The following GIPC2 variants were observed in gnomAD, a reference collection of about 807,000 sequenced individuals.
GIPC2 encodes GIPC PDZ domain containing family member 2.
A neutral mutation model predicts 30.6 loss-of-function variants in GIPC2; 30 were observed. That is an observed-to-expected ratio of 0.98 (90% CI 0.73 to 1.33). The LOEUF is 1.33. Ranked by LOEUF, GIPC2 falls within the 40% of genes most tolerant of loss-of-function variation. The pLI, the probability that GIPC2 is intolerant of heterozygous loss-of-function variation, is 0.00. For synonymous variants in GIPC2, 167 were observed against 150.0 expected (o/e 1.11, Z -0.83); for missense variants, 414 against 390.3 (o/e 1.06, Z -0.51).
intron 5 of GIPC2, among the ~76,000 whole-genome samples, chr1:78,127,813 C>G (rs760977736): frequency 9.2e-5 from 14 of 152,136 alleles, no homozygotes; most frequent in South Asian, 2.1e-4. Flanking sequence ...CCTCAGCCTC[C>G]CACGTAGCTA....
chr1:78,088,470 A>G (rs770207831), intron 2 of GIPC2, among the ~76,000 whole-genome samples: 3 of 152,216 alleles, frequency 2.0e-5, no homozygotes, highest in Non-Finnish European at 4.4e-5. Flanking sequence ...GCTGGAGGCT[A>G]TTATCCTCAG....
chr1:78,112,996 C>G (rs967137526), intron 3 of GIPC2, among the ~76,000 whole-genome samples: 15 of 152,152 alleles, frequency 9.9e-5, no homozygotes, highest in Non-Finnish European at 2.1e-4. Flanking sequence ...AACCGGCACT[C>G]GTACTCCCGA....
intron 3 of GIPC2, among the ~76,000 whole-genome samples, chr1:78,113,022 T>C (rs2100415421): frequency 6.6e-6 from 1 of 152,208 alleles, no homozygotes; most frequent in South Asian, 2.1e-4. Context: ...AAACTAAAAA[T>C]CAATGTTTAG....
chr1:78,094,875 C>A, intron 2 of GIPC2, 77 bp from the exon 3 acceptor site: 1 of 1,031,186 alleles, frequency 9.7e-7, no homozygotes. Flanking sequence ...ACCTGCTTAG[C>A]TTCCAAGATC....
chr1:78,122,036 A>G (rs532291675), intron 4 of GIPC2, among the ~76,000 whole-genome samples: 2 of 152,306 alleles, frequency 1.3e-5, no homozygotes, highest in South Asian at 4.2e-4. Flanking sequence ...CTAAGGGTTA[A>G]ATCATTCGTC....
In GIPC2 at chr1:78,046,220, G is replaced by A. The variant is rs765002178; in HGVS notation, c.126G>A (p.Leu42=). ...CGTCCCGGGCTCCCGCACGCAGGCT[G>A]GTCTTCCACGCGCAGCTGGCGCACG... ...LSASRAPARR[L]VFHAQLAHGS... The change falls in exon 1 of 6, where the codon CTG becomes CTA. Residue 42 remains leucine (L), a synonymous_variant. Transcript: ENST00000370759. 3 of 1,602,362 alleles carry A rather than the reference G, an allele frequency of 1.9e-6. No homozygotes were observed. The highest frequency in any genetic ancestry group is 2.2e-5 in the South Asian group (2 of 89,582).
intron 4 of GIPC2, among the ~76,000 whole-genome samples, chr1:78,122,127 A>G (rs927632408): frequency 3.3e-5 from 5 of 152,236 alleles, no homozygotes; most frequent in Non-Finnish European, 7.3e-5. Flanking sequence ...GAGGTAGGAA[A>G]GATTCATTCA....
chr1:78,065,881 T>G (rs1330825582), intron 1 of GIPC2, among the ~76,000 whole-genome samples: 1 of 152,086 alleles, frequency 6.6e-6, no homozygotes, highest in East Asian at 1.9e-4. Flanking sequence ...TTACACCATA[T>G]ACAAAAATTA....
intron 3 of GIPC2, among the ~76,000 whole-genome samples, chr1:78,107,342 A>G (rs1206497537): frequency 6.7e-6 from 1 of 150,202 alleles, no homozygotes; most frequent in Non-Finnish European, 1.5e-5. Flanking sequence ...ATGGGATCTC[A>G]CTCCTTTGCC....
intron 3 of GIPC2, among the ~76,000 whole-genome samples, chr1:78,103,895 A>G (rs1456808693): frequency 6.6e-6 from 1 of 151,952 alleles, no homozygotes; most frequent in East Asian, 1.9e-4. Context: ...TGTTCTCATG[A>G]AAGGCGACAG....
Position 78,095,067 on chromosome 1 carries a change from A to T in GIPC2, c.542A>T (p.Lys181Met), listed in dbSNP as rs780745227. Residue 181 changes from lysine (K) to methionine (M), a missense_variant, in exon 3 of 6, where the codon AAG becomes ATG. By Grantham distance (95) the Lys-to-Met change is moderately conservative (BLOSUM62 -1). Transcript: ENST00000370759. Reference sequence around the variant, plus strand: ...TGGCGTCACTATGATGTTGCTAAGAAGTTAAAGGAATTAAAAAAGGAGGAA... The same window carrying T: ...TGGCGTCACTATGATGTTGCTAAGATGTTAAAGGAATTAAAAAAGGAGGAA... ...VGWRHYDVAK[K>M]LKELKKEELF... is the part of the protein sequence containing the mutation. 6.2e-7 allele frequency: 1 copy of T among 1,611,300 alleles called. No individual in the cohort carries two copies.
At chr1:78,098,418 C>G (rs1662178557) in intron 3 of GIPC2, among the ~76,000 whole-genome samples, 1 of 152,106 alleles carries the variant, frequency 6.6e-6, no homozygotes, top group African/African-American at 2.4e-5. Flanking sequence ...CCAATTTTGA[C>G]TATACTTCTA....
chr1:78,046,170 G>C lies in GIPC2; in HGVS notation c.76G>C (p.Gly26Arg), dbSNP rs1661075158. The change falls in exon 1 of 6, where the codon GGC (glycine) becomes CGC (arginine). Residue 26 changes from glycine (G) to arginine (R), a missense_variant. Physicochemically the swap from Gly to Arg is moderately radical, Grantham distance 125. Coordinates refer to ENST00000370759, the MANE Select transcript of GIPC2 (RefSeq NM_017655.6). ...CGGGCTGGTGGAGGGCGAGCCGACGGGCGCGGGCGGCGGGAGCCTCTCAGC... is the reference window on the plus strand; with the variant it reads ...CGGGCTGGTGGAGGGCGAGCCGACGCGCGCGGGCGGCGGGAGCCTCTCAGC... ...TAGLVEGEPT[G>R]AGGGSLSASR... is the part of the protein sequence containing the mutation. The C allele has an allele frequency of 6.4e-7, 1 of 1,562,344 alleles. No individual in the cohort carries two copies. Among genetic ancestry groups the C allele is most frequent in the Non-Finnish European group, 8.6e-7 (1 of 1,157,070 alleles).
Position 78,125,954 on chromosome 1 carries a change from T to C in GIPC2, c.788T>C (p.Ile263Thr), listed in dbSNP as rs764562246. 20 of 1,467,984 alleles carry C rather than the reference T, an allele frequency of 1.4e-5. No homozygotes were observed. Among genetic ancestry groups the C allele is most frequent in the Middle Eastern group, 1.8e-4 (1 of 5,632 alleles). 90.9% of individuals were successfully genotyped at this position (1,467,984 alleles called of 1,614,324 possible). Residue 263 changes from isoleucine to threonine, a missense_variant, in exon 5 of 6, where the codon ATT becomes ACT. Coordinates refer to ENST00000370759, the MANE Select transcript of GIPC2 (RefSeq NM_017655.6). ...VLELYMGIRD[I>T]DLATTMFEAG... ...GAGTTGTACATGGGAATTCGAGATA[T>C]TGATTTAGGTAAGATTATACTATTT...
At chr1:78,124,677 T>C (rs1435111582) in intron 4 of GIPC2, among the ~76,000 whole-genome samples, 1 of 152,192 alleles carries the variant, frequency 6.6e-6, no homozygotes, top group Non-Finnish European at 1.5e-5. Flanking sequence ...CTACTTGAAG[T>C]GTCCTCTCCT....
intron 3 of GIPC2, among the ~76,000 whole-genome samples, chr1:78,105,382 G>A (rs1372152254): frequency 1.3e-5 from 2 of 151,712 alleles, no homozygotes; most frequent in Non-Finnish European, 2.9e-5. Flanking sequence ...CGCCTCCTGG[G>A]TTCAAGCCAT....
At position 78,104,951 on chromosome 1, in the gene GIPC2, G is replaced by GT. The variant is rs1254087040; in HGVS notation, c.607+9820dup. 1.1e-4 allele frequency among the ~76,000 whole-genome samples: 17 copies of GT among 152,214 alleles called. No individual in the cohort carries two copies. In the Middle Eastern group the frequency reaches 0.014, roughly 122 times the overall value. On this transcript the variant is annotated intron_variant, in intron 3 of 5. Coordinates refer to ENST00000370759, the MANE Select transcript of GIPC2 (RefSeq NM_017655.6). ...TAGTAGAGTTTTTCCTGGCCTCTTC[G>GT]TATCTAGCTACACTTTGGCTTAGCA...
In GIPC2 at chr1:78,125,867, C is replaced by CT; in HGVS notation, c.715-8dup. 2 of 1,457,774 alleles carry CT rather than the reference C, an allele frequency of 1.4e-6. No homozygotes were observed. Among genetic ancestry groups the CT allele is most frequent in the Non-Finnish European group, 1.9e-6 (2 of 1,038,690 alleles). The allele number at this position is 1,457,774 out of a possible 1,614,324, so 90.3% of individuals were successfully genotyped here. A position where few individuals can be genotyped will look rare whatever the true frequency, so the allele number is the denominator to read the frequency against. On this transcript the variant is annotated splice_polypyrimidine_tract_variant and intron_variant, in intron 4 of 5. Coordinates refer to ENST00000370759, the MANE Select transcript of GIPC2 (RefSeq NM_017655.6). The stretch of plus-strand genomic sequence containing the variant: ...TTGTTGTATAATATCTTATTTCTCT[C>CT]TTTTTTGATAAAGCCTTCTGAAACC...
intron 3 of GIPC2, among the ~76,000 whole-genome samples, chr1:78,116,730 C>T (rs1243226554): frequency 6.6e-6 from 1 of 152,132 alleles, no homozygotes; most frequent in Non-Finnish European, 1.5e-5. Context: ...GTATATGTGC[C>T]ACATTTTCTT....
Sources: allele counts gnomAD v4.1 joint callset (sites outside exome capture counted in the v4.1 genomes callset), GRCh38; gene constraint gnomAD v4.1.1; transcripts MANE v1.5; gene names NCBI Gene and HGNC (gene_info 2026-07-23, HGNC 2026-07-21).